The following ASB3 variants were observed in gnomAD, a reference collection of about 807,000 sequenced individuals.
ASB3 encodes the protein ankyrin repeat and SOCS box protein 3.
Under a neutral mutation model 54.5 loss-of-function variants are expected in ASB3, and 41 were observed. That is an observed-to-expected ratio of 0.75 (90% CI 0.59 to 0.98). ASB3 has a LOEUF of 0.98. Among genes scored for constraint, ASB3 ranks in the 50% least tolerant of loss-of-function variants. The pLI, the probability that ASB3 is intolerant of heterozygous loss-of-function variation, is 0.00. For synonymous variants in ASB3, 266 were observed against 221.2 expected (o/e 1.20, Z -1.80); for missense variants, 733 against 620.0 (o/e 1.18, Z -1.94).
chr2:53,738,720 G>C lies in ASB3; in HGVS notation c.356-9150C>G, dbSNP rs556018821. 6.6e-5 allele frequency among the ~76,000 whole-genome samples: 10 copies of C among 152,324 alleles called. No individual in the cohort carries two copies. In the South Asian group the frequency reaches 1.0e-3, roughly 16 times the overall value. ...GGTCTTGGAGTAAGTGTCAAAGACA[G>C]AAAGATAAGGTGTAATTCTAGAAGC... On this transcript the variant is annotated intron_variant, in intron 3 of 9. Coordinates refer to ENST00000263634, the MANE Select transcript of ASB3 (RefSeq NM_016115.5).
intron 9 of ASB3, among the ~76,000 whole-genome samples, chr2:53,682,885 T>C (rs369291398): frequency 2.6e-5 from 4 of 152,248 alleles, no homozygotes; most frequent in African/African-American, 9.6e-5. Context: ...GTGGAGTCTT[T>C]AGGTTTTTCC....
chr2:53,672,554 A>G (rs1667874435), intron 9 of ASB3, among the ~76,000 whole-genome samples: 1 of 152,234 alleles, frequency 6.6e-6, no homozygotes. Flanking sequence ...AGGATCATGA[A>G]CAATAATTGG....
intron 1 of ASB3, among the ~76,000 whole-genome samples, chr2:53,766,135 G>C (rs575559294): frequency 6.6e-6 from 1 of 152,302 alleles, no homozygotes; most frequent in Admixed American, 6.5e-5. Context: ...TTCCAGAAGA[G>C]GTTAAACACT....
intron 1 of ASB3, chr2:53,774,814 G>A (rs1674220560): frequency 4.1e-6 from 1 of 243,642 alleles, no homozygotes; most frequent in South Asian, 1.4e-4. Context: ...TTATCAGAGT[G>A]ATAATCATCC....
chr2:53,740,866 T>A (rs1166457112), intron 3 of ASB3, among the ~76,000 whole-genome samples: 1 of 152,192 alleles, frequency 6.6e-6, no homozygotes, highest in Non-Finnish European at 1.5e-5. Context: ...AAAGCTAAAA[T>A]TCCACTATCC....
At chr2:53,742,372 G>C (rs569288109) in intron 3 of ASB3, among the ~76,000 whole-genome samples, 1 of 152,142 alleles carries the variant, frequency 6.6e-6, no homozygotes, top group East Asian at 1.9e-4. Context: ...AAAGGTACCA[G>C]CACAAATCCA....
intron 5 of ASB3, among the ~76,000 whole-genome samples, chr2:53,724,675 A>C (rs1489487507): frequency 6.6e-6 from 1 of 152,192 alleles, no homozygotes; most frequent in Non-Finnish European, 1.5e-5. Context: ...CAACAAACAC[A>C]TGAAGAATTG....
chr2:53,716,217 T>C (rs1215627870), intron 6 of ASB3, among the ~76,000 whole-genome samples: 2 of 152,032 alleles, frequency 1.3e-5, no homozygotes, highest in African/African-American at 4.8e-5. Flanking sequence ...AGAGGTAACA[T>C]GGATGGCCTC....
At chr2:53,763,549 T>G (rs553741910) in intron 2 of ASB3, 1 of 169,468 alleles carries the variant, frequency 5.9e-6, no homozygotes, top group African/African-American at 2.4e-5. Flanking sequence ...GGAGCATCCA[T>G]GAATTTTGGT....
intron 1 of ASB3, chr2:53,786,253 T>C (rs1674989208): frequency 6.6e-6 from 1 of 152,210 alleles, no homozygotes; most frequent in Admixed American, 6.5e-5. Context: ...CACACATTCA[T>C]CTGGCGCTAA....
chr2:53,713,137 C>T (rs1267208804), intron 7 of ASB3, among the ~76,000 whole-genome samples: 2 of 152,128 alleles, frequency 1.3e-5, no homozygotes, highest in African/African-American at 2.4e-5. Context: ...GCCAGGAGTT[C>T]GAGACCAGGC....
chr2:53,747,186 T>G (rs1245066805), intron 3 of ASB3, among the ~76,000 whole-genome samples: 1 of 152,214 alleles, frequency 6.6e-6, no homozygotes, highest in South Asian at 2.1e-4. Flanking sequence ...GTGGCCAGAA[T>G]AGCATTTCTC....
At chr2:53,702,585 G>A (rs1669550163) in intron 7 of ASB3, among the ~76,000 whole-genome samples, 1 of 152,048 alleles carries the variant, frequency 6.6e-6, no homozygotes, top group Non-Finnish European at 1.5e-5. Flanking sequence ...TAAATATCAA[G>A]AATTAATTGT....
At chr2:53,682,674 A>C (rs1202632508) in intron 9 of ASB3, among the ~76,000 whole-genome samples, 4 of 151,842 alleles carry the variant, frequency 2.6e-5, no homozygotes, top group Non-Finnish European at 4.4e-5. Context: ...ATGGGGTTTC[A>C]CCATATTGGC....
At chr2:53,729,302 T>C (rs1035214806) in intron 4 of ASB3, among the ~76,000 whole-genome samples, 156 bp downstream of exon 4, 2 of 152,208 alleles carry the variant, frequency 1.3e-5, no homozygotes, top group African/African-American at 2.4e-5. Context: ...GTTGGCTGAT[T>C]CAGAATCATC....
chr2:53,772,282 C>G (rs927835188), intron 1 of ASB3, among the ~76,000 whole-genome samples: 1 of 152,134 alleles, frequency 6.6e-6, no homozygotes, highest in Non-Finnish European at 1.5e-5. Flanking sequence ...TCACGCCATT[C>G]TCCTGCCTCA....
intron 1 of ASB3, among the ~76,000 whole-genome samples, chr2:53,768,545 G>A (rs1558571451): frequency 1.3e-5 from 2 of 152,200 alleles, no homozygotes; most frequent in Non-Finnish European, 1.5e-5. Context: ...CTGACACACA[G>A]GATTGCAGAA....
chr2:53,728,677 A>G, intron 5 of ASB3, 35 bp downstream of exon 5: 2 of 1,468,994 alleles, frequency 1.4e-6, no homozygotes, highest in Non-Finnish European at 1.8e-6. Flanking sequence ...AAAGCTCATG[A>G]TCTTAACAGT....
chr2:53,725,145 T>C (rs1473274125), intron 5 of ASB3, among the ~76,000 whole-genome samples: 1 of 152,180 alleles, frequency 6.6e-6, no homozygotes, highest in Non-Finnish European at 1.5e-5. Flanking sequence ...GCAACATGGA[T>C]GCAGCTGGAG....
Sources: gnomAD v4.1 joint callset for allele counts (sites outside exome capture counted in the v4.1 genomes callset) on GRCh38, gnomAD v4.1.1 for gene constraint, MANE v1.5 for transcripts, NCBI Gene and HGNC (gene_info 2026-07-23, HGNC 2026-07-21) for gene names.